The following CTNNA2 variants were observed in gnomAD, a reference collection of about 807,000 sequenced individuals.
The protein encoded by CTNNA2 is catenin alpha 2.
Under a neutral mutation model 101.0 loss-of-function variants are expected in CTNNA2, and 42 were observed. The observed-to-expected ratio is 0.42, with a 90% CI of 0.32 to 0.54. The LOEUF (loss-of-function observed/expected upper bound fraction) is 0.54, where lower values mean the gene tolerates loss of function less well. CTNNA2 is among the 20% of genes least tolerant of loss of function. The pLI is 0.14. For synonymous variants in CTNNA2, 450 were observed against 456.4 expected, an observed-to-expected ratio of 0.99 and a Z score of 0.18; for missense variants, 871 against 1,223.1, an observed-to-expected ratio of 0.71 and a Z score of 4.29.
chr2:79,964,965 G>A (rs940542853), intron 7 of CTNNA2, among the ~76,000 whole-genome samples: 1 of 152,210 alleles, frequency 6.6e-6, no homozygotes, highest in Admixed American at 6.5e-5. Flanking sequence ...ACCACATTAA[G>A]TGGCAAGGGA....
intron 18 of CTNNA2, among the ~76,000 whole-genome samples, chr2:80,631,419 G>A (rs185967765): frequency 2.1e-5 from 3 of 145,256 alleles, no homozygotes; most frequent in African/African-American, 7.8e-5. Flanking sequence ...CTGAGGATTC[G>A]ATTCCTTTAA....
chr2:79,188,302 A>T (rs945072253), intron 1 of CTNNA2, among the ~76,000 whole-genome samples: 2 of 143,132 alleles, frequency 1.4e-5, no homozygotes, highest in African/African-American at 5.7e-5. Flanking sequence ...ACCATATAGA[A>T]AATCTTTTTC....
intron 2 of CTNNA2, among the ~76,000 whole-genome samples, chr2:79,246,276 A>G (rs77190783): frequency 0.042 from 6,345 of 152,210 alleles, 206 homozygotes; most frequent in Non-Finnish European, 0.064. Flanking sequence ...TTCTATCTGG[A>G]CACTAGGAAG....
intron 2 of CTNNA2, among the ~76,000 whole-genome samples, chr2:79,264,931 A>C (rs539606896): frequency 8.5e-5 from 13 of 152,260 alleles, no homozygotes; most frequent in Non-Finnish European, 1.6e-4. Context: ...TATCTTCTGC[A>C]TACAACACAG....
chr2:80,615,134 T>A (rs2149795772), intron 17 of CTNNA2, among the ~76,000 whole-genome samples: 1 of 151,648 alleles, frequency 6.6e-6, no homozygotes, highest in South Asian at 2.1e-4. Context: ...CTGGGGATTT[T>A]GTCATTGATT....
intron 14 of CTNNA2, among the ~76,000 whole-genome samples, chr2:80,587,368 G>A (rs541415258): frequency 3.3e-5 from 5 of 152,104 alleles, no homozygotes; most frequent in Non-Finnish European, 7.4e-5. Flanking sequence ...GAGCCAGAGG[G>A]GTAGTTGGAA....
intron 1 of CTNNA2, among the ~76,000 whole-genome samples, chr2:79,562,098 T>C (rs1674816997): frequency 6.6e-6 from 1 of 151,988 alleles, no homozygotes; most frequent in South Asian, 2.1e-4. Context: ...TTTACTTCTA[T>C]ATTTATAGAT....
chr2:79,331,125 A>C (rs143437871), intron 3 of CTNNA2, among the ~76,000 whole-genome samples: 159 of 152,250 alleles, frequency 1.0e-3, no homozygotes, highest in African/African-American at 3.5e-3. Context: ...CATTTAGACC[A>C]CAATTTCACC....
chr2:79,384,698 T>C (rs1001225931), intron 4 of CTNNA2, among the ~76,000 whole-genome samples: 6 of 152,158 alleles, frequency 3.9e-5, no homozygotes, highest in Non-Finnish European at 8.8e-5. Context: ...TGCTCTGCAC[T>C]CTCTTTGCAC....
At chr2:79,278,339 A>G (rs1675267756) in intron 2 of CTNNA2, among the ~76,000 whole-genome samples, 1 of 152,036 alleles carries the variant, frequency 6.6e-6, no homozygotes, top group Admixed American at 6.6e-5. Flanking sequence ...ATGAGGAGAG[A>G]CGGGGAAGAA....
chr2:80,574,917 A>C (rs1694908210), intron 13 of CTNNA2, among the ~76,000 whole-genome samples: 1 of 152,164 alleles, frequency 6.6e-6, no homozygotes, highest in Non-Finnish European at 1.5e-5. Context: ...ACAGGCCTAG[A>C]AAATATATAT....
At chr2:79,454,303 C>T (rs186143924) in intron 4 of CTNNA2, among the ~76,000 whole-genome samples, 2 of 152,086 alleles carry the variant, frequency 1.3e-5, no homozygotes, top group Non-Finnish European at 2.9e-5. Flanking sequence ...GTATAATTCA[C>T]AATATATGTA....
At chr2:80,636,622 A>G (rs1436371834) in intron 18 of CTNNA2, among the ~76,000 whole-genome samples, 1 of 152,148 alleles carries the variant, frequency 6.6e-6, no homozygotes, top group African/African-American at 2.4e-5. Flanking sequence ...TTTATAAATG[A>G]TATTCTTAAC....
At chr2:79,594,950 T>G (rs191664392) in intron 1 of CTNNA2, among the ~76,000 whole-genome samples, 7 of 152,198 alleles carry the variant, frequency 4.6e-5, no homozygotes, top group South Asian at 4.1e-4. Flanking sequence ...TTTTTTTCTC[T>G]TATATAGATT....
At chr2:79,929,832 G>A (rs374669753) in intron 7 of CTNNA2, among the ~76,000 whole-genome samples, 6 of 152,106 alleles carry the variant, frequency 3.9e-5, no homozygotes, top group East Asian at 1.9e-4. Context: ...AGTTCTTGAC[G>A]GAAAAATTTT....
chr2:80,090,481 A>T (rs1230693024), intron 7 of CTNNA2, among the ~76,000 whole-genome samples: 1 of 152,018 alleles, frequency 6.6e-6, no homozygotes, highest in East Asian at 1.9e-4. Flanking sequence ...TAAGAATTTG[A>T]AAGTTAGCTG....
chr2:79,337,047 T>C (rs943725439), intron 3 of CTNNA2, among the ~76,000 whole-genome samples: 6 of 152,220 alleles, frequency 3.9e-5, no homozygotes, highest in Admixed American at 6.5e-5. Flanking sequence ...ATGCCTTTTC[T>C]GTTTCAGTTA....
At chr2:79,569,984 C>G (rs1467883918) in intron 1 of CTNNA2, among the ~76,000 whole-genome samples, 1 of 152,074 alleles carries the variant, frequency 6.6e-6, no homozygotes, top group Non-Finnish European at 1.5e-5. Flanking sequence ...TATGAACAGT[C>G]CTCATAGTAC....
intron 9 of CTNNA2, among the ~76,000 whole-genome samples, chr2:80,426,461 C>A (rs1220518983): frequency 6.6e-6 from 1 of 152,200 alleles, no homozygotes; most frequent in Non-Finnish European, 1.5e-5. Flanking sequence ...CTCTACCATG[C>A]ACACCTGAGT....
Sources: allele counts gnomAD v4.1 joint callset (sites outside exome capture counted in the v4.1 genomes callset), GRCh38; gene constraint gnomAD v4.1.1; transcripts MANE v1.5; gene names NCBI Gene and HGNC (gene_info 2026-07-23, HGNC 2026-07-21).